Variants in PSG11 observed in about 807,000 individuals in gnomAD.
PSG11 encodes the protein pregnancy specific beta-1-glycoprotein 11.
Under a neutral mutation model 36.0 loss-of-function variants are expected in PSG11, and 42 were observed. That is an observed-to-expected ratio of 1.17 (90% CI 0.91 to 1.51). PSG11 has a LOEUF of 1.51. Ranked by LOEUF, PSG11 falls within the 40% of genes most tolerant of loss-of-function variation. PSG11 has a pLI of 0.00. For synonymous variants in PSG11, 206 were observed against 153.5 expected, an observed-to-expected ratio of 1.34 and a Z score of -2.53; for missense variants, 558 against 403.5, an observed-to-expected ratio of 1.38 and a Z score of -3.28.
Position 43,007,860 on chromosome 19 carries a change from A to C in PSG11, c.*223T>G, listed in dbSNP as rs1973968971. On this transcript the variant is annotated 3_prime_UTR_variant, in exon 6 of 6. Transcript: ENST00000320078. ...GCACATTTTCCAATAAAAAATTATG[A>C]AAACATTATCCTTTTGTTATTTAGT... The C allele has an allele frequency of 3.0e-6, 1 of 337,392 alleles. No homozygotes were observed. The highest frequency in any genetic ancestry group is 5.7e-6 in the Non-Finnish European group (1 of 176,582). The allele number at this position is 337,392 out of a possible 1,614,324, so 20.9% of individuals were successfully genotyped here.
intron 3 of PSG11, chr19:43,017,623 A>G (rs549243279): frequency 2.0e-5 from 3 of 151,550 alleles, no homozygotes; most frequent in South Asian, 2.1e-4. Context: ...GATTTAGGAC[A>G]GAGTTTTCTA....
At chr19:43,008,822 A>G (rs1256334885) in intron 5 of PSG11, among the ~76,000 whole-genome samples, 1 of 151,312 alleles carries the variant, frequency 6.6e-6, no homozygotes, top group African/African-American at 2.4e-5. Flanking sequence ...CTTCTAGCTG[A>G]AAATCATTCA....
In PSG11 at chr19:43,026,158, A is replaced by G. The variant is rs994913257; in HGVS notation, c.64+151T>C. The G allele has an allele frequency of 1.8e-5, 23 of 1,254,006 alleles. No homozygotes were observed. In the Admixed American group the frequency reaches 4.9e-4, roughly 27 times the overall value. The allele number at this position is 1,254,006 out of a possible 1,614,324, so 77.7% of individuals were successfully genotyped here. ...GGGCTTCACTCTGTTGGCTGGACTG[A>G]TCTTGAACTCCTGATCTCGTGATCC... On this transcript the variant is annotated intron_variant, in intron 1 of 5. Transcript: ENST00000320078.
At chr19:43,010,206 T>G (rs2122782918) in intron 4 of PSG11, 165 bp from the exon 5 acceptor site, 1 of 1,452,866 alleles carries the variant, frequency 6.9e-7, no homozygotes, top group South Asian at 1.5e-5. Flanking sequence ...TTGCAGTTTT[T>G]TTTCCCTCTC....
rs60125401 is a variant in PSG11 at position 43,011,365 on chromosome 19, C to T, written c.965-1324G>A. ...AGAAGAAAGATCTCAGGTCAACAACCTACTTTAACACTTCAGGATATGAAA... is the reference window on the plus strand; with the variant it reads ...AGAAGAAAGATCTCAGGTCAACAACTTACTTTAACACTTCAGGATATGAAA... On this transcript the variant is annotated intron_variant, in intron 4 of 5. Coordinates refer to ENST00000320078, the MANE Select transcript of PSG11 (RefSeq NM_002785.3). Among the ~76,000 whole-genome samples, 722 of 151,234 alleles carry T rather than the reference C, an allele frequency of 4.8e-3. 30 individuals are homozygous for T. The highest frequency in any genetic ancestry group is 0.017 in the African/African-American group (698 of 41,026).
At chr19:43,012,610 G>A (rs895019235) in intron 4 of PSG11, among the ~76,000 whole-genome samples, 1 of 151,360 alleles carries the variant, frequency 6.6e-6, no homozygotes. Context: ...CCTGAAATCT[G>A]CAAAATATTG....
chr19:43,010,430 G>C (rs1381538467), intron 4 of PSG11: 10 of 1,498,062 alleles, frequency 6.7e-6, no homozygotes, highest in Non-Finnish European at 9.1e-6. Flanking sequence ...GCAGGGACCT[G>C]ATTGACAGAA....
chr19:43,015,982 A>G (rs762691506), intron 3 of PSG11: 2 of 1,610,156 alleles, frequency 1.2e-6, no homozygotes, highest in Admixed American at 3.3e-5. Context: ...GGTGAAGGTT[A>G]AGACATCCTT....
chr19:43,024,556 C>T (rs1169732176), intron 2 of PSG11, 135 bp downstream of exon 2: 2 of 1,522,664 alleles, frequency 1.3e-6, no homozygotes, highest in South Asian at 1.2e-5. Flanking sequence ...GTGTCCTGCA[C>T]TAAATGCCCA....
chr19:43,013,236 A>G (rs1974118482), intron 4 of PSG11, among the ~76,000 whole-genome samples: 1 of 151,546 alleles, frequency 6.6e-6, no homozygotes, highest in African/African-American at 2.4e-5. Context: ...ACAAAAGCAT[A>G]GGCAACAAAT....
chr19:43,010,014 A>ACAGCTCTATGTCATTGG lies in PSG11; in HGVS notation c.991_992insCCAATGACATAGAGCTG (p.Phe331SerfsTer37). 1 of 1,609,804 alleles carries ACAGCTCTATGTCATTGG rather than the reference A, an allele frequency of 6.2e-7. No homozygotes were observed. The highest frequency in any genetic ancestry group is 8.5e-7 in the Non-Finnish European group (1 of 1,177,158). The stretch of plus-strand genomic sequence containing the variant: ...TCACGGCTGCTACGTTGGATTATTG[A>ACAGCTCTATGTCATTGG]AAGCAAAAGTTCCTAATCCTGGAGG... On this transcript the variant is annotated frameshift_variant, in exon 5 of 6. Transcript: ENST00000320078. LOFTEE classifies it high-confidence loss of function.
At chr19:43,014,465 G>A (rs1966906968) in intron 4 of PSG11, 7 of 969,704 alleles carry the variant, frequency 7.2e-6, no homozygotes, top group Non-Finnish European at 8.6e-6. Flanking sequence ...AGTCTGCCCT[G>A]AGGTTGCTTC....
chr19:43,020,591 T>C lies in PSG11; in HGVS notation c.431-1543A>G, dbSNP rs938910427. Among the ~76,000 whole-genome samples the C allele has an allele frequency of 4.1e-4, 62 of 151,474 alleles. 2 individuals carry two copies. Reference sequence around the variant, plus strand: ...CTAAGATCAATTGCTGGTAGTAGTATTTCTCTTGAGACCAACATAAGGTTT... The same window carrying C: ...CTAAGATCAATTGCTGGTAGTAGTACTTCTCTTGAGACCAACATAAGGTTT... On this transcript the variant is annotated intron_variant, in intron 2 of 5. Transcript: ENST00000320078.
intron 2 of PSG11, among the ~76,000 whole-genome samples, chr19:43,022,482 T>G (rs1393090668): frequency 1.3e-5 from 2 of 151,382 alleles, no homozygotes; most frequent in Non-Finnish European, 2.9e-5. Flanking sequence ...CTTGAAAATC[T>G]CTAAGCCCTG....
At chr19:43,025,850 C>T (rs2122839669) in intron 1 of PSG11, among the ~76,000 whole-genome samples, 1 of 148,222 alleles carries the variant, frequency 6.7e-6, no homozygotes, top group East Asian at 2.0e-4. Flanking sequence ...TGTGACTTTC[C>T]TGTTTTGACC....
In PSG11 at chr19:43,019,077, C is replaced by A. The variant is rs149127637; in HGVS notation, c.431-29G>T. The A allele has an allele frequency of 5.0e-3, 8,043 of 1,600,100 alleles. 604 individuals are homozygous for A. In the African/African-American group the frequency reaches 0.096, roughly 19 times the overall value. On this transcript the variant is annotated intron_variant, in intron 2 of 5. Transcript: ENST00000320078. ...TGCAGAAAACAGAGAGAAGATTGCC[C>A]TGTGTGGCACCTTTGATTCCTCCAA...
chr19:43,011,913 A>AG (rs1175353961), intron 4 of PSG11, among the ~76,000 whole-genome samples: 2 of 150,630 alleles, frequency 1.3e-5, no homozygotes, highest in Non-Finnish European at 3.0e-5. Context: ...TAAAAAAAAA[A>AG]AAAGAAAGAA....
chr19:43,024,782 G>T lies in PSG11; in HGVS notation c.339C>A (p.Thr113=), dbSNP rs144373794. The change falls in exon 2 of 6, where the codon ACC becomes ACA. Residue 113 remains threonine, a synonymous_variant. Transcript: ENST00000320078. ...AGGTGTAGGATCCTGCGTCCTCCCG[G>T]GTGACATTCTGGATCAGCAGGGATG... ...SNASLLIQNV[T]REDAGSYTLH... The T allele has an allele frequency of 1.2e-3, 1,921 of 1,611,514 alleles. 87 individuals carry two copies. In the African/African-American group the frequency reaches 0.023, roughly 19 times the overall value.
At chr19:43,024,451 C>G (rs896112119) in intron 2 of PSG11, 3 of 593,916 alleles carry the variant, frequency 5.1e-6, no homozygotes, top group East Asian at 5.8e-5. Flanking sequence ...CCTGCTGAGT[C>G]CCCCCATCAG....
Sources: allele counts gnomAD v4.1 joint callset (sites outside exome capture counted in the v4.1 genomes callset), GRCh38; gene constraint gnomAD v4.1.1; transcripts MANE v1.5; gene names NCBI Gene and HGNC (gene_info 2026-07-23, HGNC 2026-07-21).